Variants in GCNT2 observed in about 807,000 individuals in gnomAD.
The protein encoded by GCNT2 is glucosaminyl (N-acetyl) transferase 2 (I blood group).
GCNT2 carries 34 observed loss-of-function variants against 34.2 expected under a neutral mutation model. That is an observed-to-expected ratio of 1.00 (90% CI 0.76 to 1.32). The LOEUF (loss-of-function observed/expected upper bound fraction) is 1.32. Among genes scored for constraint, GCNT2 ranks in the 40% most tolerant of loss-of-function variants. The pLI is 0.00. For missense variants in GCNT2, 584 were observed against 489.4 expected (o/e 1.19, Z -1.82); for synonymous variants, 212 against 188.0 (o/e 1.13, Z -1.04).
chr6:10,528,004 C>CTTGGAATTATATA (rs1444710468), intron 2 of GCNT2, among the ~76,000 whole-genome samples: 2 of 152,122 alleles, frequency 1.3e-5, no homozygotes, highest in Non-Finnish European at 2.9e-5. Context: ...CCTATGCGGA[C>CTTGGAATTATATA]CAGGGCAAAA....
chr6:10,573,156 G>A (rs1763630063), intron 3 of GCNT2: 1 of 946,916 alleles, frequency 1.1e-6, no homozygotes, highest in Non-Finnish European at 1.2e-6. Context: ...AGGATGGGAT[G>A]TTCTAGATAT....
intron 3 of GCNT2, among the ~76,000 whole-genome samples, chr6:10,560,640 A>G (rs564871851): frequency 1.3e-5 from 2 of 152,256 alleles, no homozygotes; most frequent in Admixed American, 1.3e-4. Context: ...TTAGAATTAG[A>G]TGGTTTCAGA....
At chr6:10,606,161 A>C (rs1765302569) in intron 3 of GCNT2, among the ~76,000 whole-genome samples, 1 of 152,218 alleles carries the variant, frequency 6.6e-6, no homozygotes, top group Admixed American at 6.5e-5. Context: ...CTAAAAATAC[A>C]AAAATTAGCC....
intron 3 of GCNT2, 26 bp from the exon 4 acceptor site, chr6:10,621,325 A>G: frequency 6.9e-7 from 1 of 1,458,022 alleles, no homozygotes; most frequent in Non-Finnish European, 9.6e-7. Context: ...TCTCATCTCT[A>G]CGCTTCTTCT....
chr6:10,536,325 T>TTA (rs929623530), intron 3 of GCNT2, among the ~76,000 whole-genome samples: 9 of 152,266 alleles, frequency 5.9e-5, no homozygotes, highest in African/African-American at 2.2e-4. Flanking sequence ...CTCTGTTTTT[T>TTA]TATATCTGCC....
chr6:10,587,013 A>G (rs1161658554), intron 3 of GCNT2: 15 of 881,388 alleles, frequency 1.7e-5, no homozygotes, highest in East Asian at 1.3e-4. Flanking sequence ...AATAAATTTA[A>G]ATACTTAGAA....
chr6:10,531,928 A>C (rs578149541), intron 3 of GCNT2, among the ~76,000 whole-genome samples: 5 of 139,522 alleles, frequency 3.6e-5, no homozygotes, highest in Admixed American at 1.5e-4. Flanking sequence ...AGGATAATTG[A>C]TTTGGAAAAG....
At chr6:10,618,592 T>C (rs1388244498) in intron 3 of GCNT2, among the ~76,000 whole-genome samples, 1 of 152,240 alleles carries the variant, frequency 6.6e-6, no homozygotes, top group Non-Finnish European at 1.5e-5. Flanking sequence ...TAATAGACAT[T>C]GGCTCATAAT....
intron 3 of GCNT2, among the ~76,000 whole-genome samples, chr6:10,557,512 G>A (rs1291157129): frequency 6.7e-6 from 1 of 150,166 alleles, no homozygotes; most frequent in Non-Finnish European, 1.5e-5. Context: ...TTTTGAGACT[G>A]GATCTCACTC....
chr6:10,528,068 T>A (rs1293541667), intron 2 of GCNT2, among the ~76,000 whole-genome samples: 21 of 152,192 alleles, frequency 1.4e-4, no homozygotes, highest in Non-Finnish European at 3.1e-4. Flanking sequence ...GATGATGGGC[T>A]ATTGGTCGTT....
intron 3 of GCNT2, among the ~76,000 whole-genome samples, chr6:10,602,720 G>A (rs756683773): frequency 1.3e-5 from 2 of 152,204 alleles, no homozygotes; most frequent in Non-Finnish European, 2.9e-5. Context: ...TGGAGGGAAG[G>A]TTTTACAAGT....
intron 1 of GCNT2, among the ~76,000 whole-genome samples, chr6:10,526,088 TAAAAATTAGAGA>T (rs1273480717): frequency 6.6e-6 from 1 of 152,250 alleles, no homozygotes; most frequent in East Asian, 1.9e-4. Flanking sequence ...AAAAGTCAAC[TAAAAATTAGAGA>T]AATTTTAGTC....
intron 3 of GCNT2, among the ~76,000 whole-genome samples, chr6:10,538,437 A>AAAAAAAT (rs1554127249): frequency 8.2e-5 from 6 of 73,342 alleles, no homozygotes; most frequent in Admixed American, 1.5e-4. Context: ...AAAAAAAAAA[A>AAAAAAAT]ATATATATAT....
chr6:10,574,444 G>C (rs1435980762), intron 3 of GCNT2, among the ~76,000 whole-genome samples: 2 of 152,134 alleles, frequency 1.3e-5, no homozygotes, highest in Non-Finnish European at 2.9e-5. Flanking sequence ...CCACCCCTTT[G>C]CACTGCAACC....
chr6:10,525,896 G>C lies in GCNT2; in HGVS notation c.-468-1578G>C, dbSNP rs144293257. ...TATGTCTGCAATGTCTGGAGGGATA[G>C]AACTAGGCCAAGAATGAGGTAAGAG... On this transcript the variant is annotated intron_variant, in intron 1 of 4. Coordinates refer to ENST00000495262, the MANE Select transcript of GCNT2 (RefSeq NM_145649.5). Among the ~76,000 whole-genome samples the C allele has an allele frequency of 3.8e-3, 573 of 152,320 alleles. 3 individuals carry two copies. The highest frequency in any genetic ancestry group is 0.013 in the African/African-American group (521 of 41,574).
At chr6:10,563,232 G>A (rs566157188) in intron 3 of GCNT2, among the ~76,000 whole-genome samples, 1 of 152,250 alleles carries the variant, frequency 6.6e-6, no homozygotes, top group African/African-American at 2.4e-5. Context: ...ATGGGTGTGT[G>A]AGTGGATACA....
At position 10,557,794 on chromosome 6, in the gene GCNT2, G is replaced by T. The variant is rs184858398; in HGVS notation, c.925+27958G>T. The stretch of plus-strand genomic sequence containing the variant: ...GCCATGAGCCACCATGCCTAGCCCA[G>T]AATGATGTTCTTTATGTGATAATTC... On this transcript the variant is annotated intron_variant, in intron 3 of 4. Transcript: ENST00000495262. Among the ~76,000 whole-genome samples, 188 of 152,262 alleles carry T rather than the reference G, an allele frequency of 1.2e-3. 1 individual carries two copies. The Middle Eastern group carries it at 0.014, about 11-fold the overall frequency.
intron 2 of GCNT2, among the ~76,000 whole-genome samples, chr6:10,527,875 T>TA (rs761168993): frequency 4.6e-5 from 7 of 150,912 alleles, no homozygotes; most frequent in East Asian, 1.9e-4. Flanking sequence ...TTTTACAGAT[T>TA]AAAAAAAAAG....
intron 3 of GCNT2, among the ~76,000 whole-genome samples, chr6:10,593,222 A>G (rs919225307): frequency 3.9e-5 from 6 of 152,224 alleles, no homozygotes; most frequent in African/African-American, 1.4e-4. Flanking sequence ...AGCGGAAAGG[A>G]TGAGCATTCT....
Sources: gnomAD v4.1 joint callset for allele counts (sites outside exome capture counted in the v4.1 genomes callset) on GRCh38, gnomAD v4.1.1 for gene constraint, MANE v1.5 for transcripts, NCBI Gene and HGNC (gene_info 2026-07-23, HGNC 2026-07-21) for gene names.